DOCK10: variants seen among roughly 807,000 people sequenced by gnomAD.
DOCK10 encodes dedicator of cytokinesis 10.
Under a neutral mutation model 280.1 loss-of-function variants are expected in DOCK10, and 145 were observed. The ratio of observed to expected loss-of-function variants is 0.52; its 90% CI spans 0.45 to 0.59. The LOEUF (loss-of-function observed/expected upper bound fraction) is 0.59, where lower values mean the gene tolerates loss of function less well. DOCK10 is among the 20% of genes least tolerant of loss of function. DOCK10 has a pLI of 0.00. For missense variants in DOCK10, 2,368 were observed against 2,651.7 expected, an observed-to-expected ratio of 0.89 and a Z score of 2.35; for synonymous variants, 915 against 942.2, an observed-to-expected ratio of 0.97 and a Z score of 0.53.
intron 1 of DOCK10, among the ~76,000 whole-genome samples, chr2:225,030,882 T>C (rs1051765753): frequency 6.6e-6 from 1 of 152,232 alleles, no homozygotes. Context: ...ATGCTGGTGC[T>C]TTGTCGCCAA....
At position 224,800,143 on chromosome 2, in the gene DOCK10, A is replaced by T. The variant is rs1353083801; in HGVS notation, c.4506+8T>A. The T allele has an allele frequency of 6.6e-7, 1 of 1,522,812 alleles. No individual in the cohort carries two copies. Among genetic ancestry groups the T allele is most frequent in the Non-Finnish European group, 9.0e-7 (1 of 1,107,276 alleles). 94.3% of individuals were successfully genotyped at this position (1,522,812 alleles called of 1,614,324 possible). A position where few individuals can be genotyped will look rare whatever the true frequency, so the allele number is the denominator to read the frequency against. On this transcript the variant is annotated splice_region_variant and intron_variant, in intron 41 of 55. Coordinates refer to ENST00000258390, the MANE Select transcript of DOCK10 (RefSeq NM_014689.3). ...ATTTTTTGCAGAAAATGTTATCATC[A>T]TATTCACCTGATGAGTCTGTGTGAA...
chr2:224,802,152 G>GA, intron 39 of DOCK10, 112 bp from the exon 40 acceptor site: 1 of 1,102,076 alleles, frequency 9.1e-7, no homozygotes, highest in South Asian at 1.8e-5. Flanking sequence ...AACTAGTTTG[G>GA]AAAGCAACTT....
In DOCK10 at chr2:224,829,164, T is replaced by C. The variant is rs575267468; in HGVS notation, c.3036+1377A>G. 3.9e-5 allele frequency among the ~76,000 whole-genome samples: 6 copies of C among 152,318 alleles called. No homozygotes were observed. The South Asian group carries it at 8.3e-4, about 21-fold the overall frequency. On this transcript the variant is annotated intron_variant, in intron 27 of 55. Coordinates refer to ENST00000258390, the MANE Select transcript of DOCK10 (RefSeq NM_014689.3). ...GTTGCACACAGAATCTGAGTTGACA[T>C]TGATATCCAGAAATGAAAAGCATCA...
intron 12 of DOCK10, 34 bp downstream of exon 12, chr2:224,864,831 AT>A: frequency 1.9e-6 from 3 of 1,611,532 alleles, no homozygotes; most frequent in Non-Finnish European, 2.5e-6. Context: ...TGGTACAAGC[AT>A]TTTCCATCTC....
intron 11 of DOCK10, among the ~76,000 whole-genome samples, chr2:224,870,390 A>G (rs1269006836): frequency 1.3e-5 from 2 of 152,170 alleles, no homozygotes; most frequent in East Asian, 3.8e-4. Flanking sequence ...TCAAGGACTA[A>G]GTTTCTAGAT....
intron 14 of DOCK10, 64 bp from the exon 15 acceptor site, chr2:224,857,046 T>G (rs1697196025): frequency 7.5e-7 from 1 of 1,326,108 alleles, no homozygotes. Flanking sequence ...GTTTTTAACG[T>G]GACTATATTA....
At chr2:224,821,256 A>G (rs1301224667) in intron 28 of DOCK10, among the ~76,000 whole-genome samples, 1 of 152,248 alleles carries the variant, frequency 6.6e-6, no homozygotes, top group African/African-American at 2.4e-5. Context: ...TGAGCAACCC[A>G]TGGAGTTACA....
At chr2:224,829,539 C>T (rs1379541601) in intron 27 of DOCK10, among the ~76,000 whole-genome samples, 1 of 152,182 alleles carries the variant, frequency 6.6e-6, no homozygotes, top group Non-Finnish European at 1.5e-5. Flanking sequence ...AGAGGTCTTC[C>T]CTTGGCCTTA....
Position 224,770,065 on chromosome 2 carries a change from G to T in DOCK10, c.6444+146C>A. On this transcript the variant is annotated intron_variant, in intron 55 of 55. Transcript: ENST00000258390. The surrounding 1 kb of genome is among the most constrained non-coding windows in gnomAD (Gnocchi z 4.5). The stretch of plus-strand genomic sequence containing the variant: ...TCTGCTTTGGGGCACGAGGTGGTGT[G>T]CACGGGAGAGAGAACAGATCAGCAA... 1.1e-6 allele frequency: 1 copy of T among 897,432 alleles called. No homozygotes were observed. The highest frequency in any genetic ancestry group is 1.6e-6 in the Non-Finnish European group (1 of 644,898). 55.6% of individuals were successfully genotyped at this position (897,432 alleles called of 1,614,324 possible).
At position 224,794,972 on chromosome 2, in the gene DOCK10, G is replaced by C. The variant is rs1221232051; in HGVS notation, c.5061C>G (p.Ser1687Arg). The C allele has an allele frequency of 6.2e-7, 1 of 1,613,798 alleles. No homozygotes were observed. The highest frequency in any genetic ancestry group is 8.5e-7 in the Non-Finnish European group (1 of 1,179,860). Residue 1687 changes from serine to arginine, a missense_variant, in exon 45 of 56, where the codon AGC becomes AGG. Physicochemically the swap from Ser to Arg is moderately radical, Grantham distance 110 (BLOSUM62 -1). Around this residue, in one of 2 missense-constraint regions of DOCK10, gnomAD observed 1,159 missense variants for 1,400.8 expected, o/e 0.83. Coordinates refer to ENST00000258390, the MANE Select transcript of DOCK10 (RefSeq NM_014689.3). ...DPEMLVDLQY[S>R]LANSYASTPE... Reference sequence around the variant, plus strand: ...GAGTGCTTGCGTAGGAGTTTGCCAGGCTGTACTGGAGATCCACCAGCATCT... The same window carrying C: ...GAGTGCTTGCGTAGGAGTTTGCCAGCCTGTACTGGAGATCCACCAGCATCT...
chr2:224,912,143 A>AT lies in DOCK10; in HGVS notation c.333+4551dup, dbSNP rs201806896. Among the ~76,000 whole-genome samples, 116 of 146,688 alleles carry AT rather than the reference A, an allele frequency of 7.9e-4. 1 individual carries two copies. Among genetic ancestry groups the AT allele is most frequent in the African/African-American group, 2.0e-3 (78 of 39,744 alleles). On this transcript the variant is annotated intron_variant, in intron 3 of 55. Transcript: ENST00000258390. ...CAATTCTGGCAGCATTTAAAAATAC[A>AT]TTTTTTTTTTTTTTTGAGTGGAGTT...
At chr2:224,913,663 T>G (rs1350027576) in intron 3 of DOCK10, among the ~76,000 whole-genome samples, 2 of 152,200 alleles carry the variant, frequency 1.3e-5, no homozygotes, top group Non-Finnish European at 2.9e-5. Context: ...ACTTCCCACT[T>G]AAAAATGTTT....
chr2:224,774,648 C>G (rs759600303), intron 52 of DOCK10, among the ~76,000 whole-genome samples: 1 of 152,170 alleles, frequency 6.6e-6, no homozygotes, highest in African/African-American at 2.4e-5. Context: ...AGGCACTGAC[C>G]CCATCACCCT....
intron 1 of DOCK10, among the ~76,000 whole-genome samples, chr2:224,968,288 C>T (rs539619831): frequency 4.3e-3 from 648 of 152,232 alleles, no homozygotes; most frequent in Non-Finnish European, 6.8e-3. Flanking sequence ...AATGACCTCC[C>T]GGAACTAAGA....
intron 33 of DOCK10, among the ~76,000 whole-genome samples, chr2:224,806,632 C>T (rs558399950): frequency 8.5e-5 from 13 of 152,164 alleles, no homozygotes; most frequent in South Asian, 2.1e-4. Flanking sequence ...TAACAGGCAG[C>T]GTCTTACTGT....
At chr2:224,874,784 T>C (rs747026011) in intron 8 of DOCK10, 33 bp from the exon 9 acceptor site, 4 of 1,577,450 alleles carry the variant, frequency 2.5e-6, no homozygotes, top group Admixed American at 3.3e-5. Context: ...GGTTATTAAA[T>C]ATTACTCACG....
chr2:224,946,069 A>G (rs1072581), intron 1 of DOCK10, among the ~76,000 whole-genome samples: 95,122 of 152,090 alleles, frequency 0.63, 29,900 homozygotes, highest in Non-Finnish European at 0.64. Flanking sequence ...TATTGCCGCA[A>G]CCATTTAACA....
At chr2:224,813,884 A>G (rs1399673737) in intron 31 of DOCK10, among the ~76,000 whole-genome samples, 2 of 152,248 alleles carry the variant, frequency 1.3e-5, no homozygotes, top group East Asian at 3.8e-4. Context: ...AGGTTTGCCT[A>G]GACCATTTTA....
Position 225,042,146 on chromosome 2 carries a change from G to T in DOCK10, c.123+106C>A. On this transcript the variant is annotated intron_variant, in intron 1 of 55. Transcript: ENST00000258390. This position sits in a 1 kb window ranked among gnomAD's most constrained non-coding sequence, Gnocchi z 5.1. ...GGAGGGAGTGCGGAGGAGAGGACCC[G>T]TGAGCTGCGGGGACCTGGGCCCGCC... The T allele has an allele frequency of 8.5e-7, 1 of 1,170,238 alleles. No homozygotes were observed. The highest frequency in any genetic ancestry group is 3.4e-5 in the East Asian group (1 of 29,108). The allele number at this position is 1,170,238 out of a possible 1,614,324, so 72.5% of individuals were successfully genotyped here. A position where few individuals can be genotyped will look rare whatever the true frequency, so the allele number is the denominator to read the frequency against.
Sources: gnomAD v4.1 joint callset for allele counts (sites outside exome capture counted in the v4.1 genomes callset) on GRCh38, gnomAD v4.1.1 for gene constraint, gnomAD v4.1.1 regional missense constraint, Gnocchi (gnomAD v3.1) non-coding constraint, MANE v1.5 for transcripts, NCBI Gene and HGNC (gene_info 2026-07-23, HGNC 2026-07-21) for gene names.